The following CRISP2 variants were observed in gnomAD, a reference collection of about 807,000 sequenced individuals.
CRISP2 encodes cysteine rich secretory protein 2, also known as cysteine-rich secretory protein 2.
CRISP2 carries 29 observed loss-of-function variants against 31.7 expected under a neutral mutation model. That is an observed-to-expected ratio of 0.92 (90% CI 0.68 to 1.25). The LOEUF is 1.25. Ranked by LOEUF, CRISP2 falls within the 50% of genes most tolerant of loss-of-function variation. The pLI, the probability that CRISP2 is intolerant of heterozygous loss-of-function variation, is 0.00. For missense variants in CRISP2, 318 were observed against 286.5 expected (o/e 1.11, Z -0.79); for synonymous variants, 111 against 101.4 (o/e 1.09, Z -0.57).
the CRISP2 span, among the ~76,000 whole-genome samples, chr6:49,680,275 G>A: frequency 6.6e-6 from 1 of 152,092 alleles, no homozygotes; most frequent in Non-Finnish European, 1.5e-5. Flanking sequence ...TTCTGTGTTA[G>A]TTTCCTAATG....
chr6:49,707,176 T>A (rs191315980), intron 4 of CRISP2, among the ~76,000 whole-genome samples: 2 of 152,266 alleles, frequency 1.3e-5, no homozygotes, highest in Non-Finnish European at 2.9e-5. Context: ...ATTAAACATA[T>A]CGAGAATAAA....
At chr6:49,691,228 A>G (rs752253220), downstream of CRISP2, among the ~76,000 whole-genome samples, 1 of 152,038 alleles carries the variant, frequency 6.6e-6, no homozygotes, top group Non-Finnish European at 1.5e-5. Flanking sequence ...TCTCTCTCAC[A>G]TTGTCACACT....
At chr6:49,705,873 T>C (rs929850546) in intron 4 of CRISP2, among the ~76,000 whole-genome samples, 2 of 152,202 alleles carry the variant, frequency 1.3e-5, no homozygotes, top group African/African-American at 4.8e-5. Context: ...TGGGCCCTCA[T>C]AGTGTTTCAG....
At chr6:49,688,458 A>G (rs1158253907), downstream of CRISP2, among the ~76,000 whole-genome samples, 1 of 152,224 alleles carries the variant, frequency 6.6e-6, no homozygotes, top group Non-Finnish European at 1.5e-5. Flanking sequence ...AAATACATTA[A>G]AATATTATCT....
At chr6:49,699,671 T>C in intron 6 of CRISP2, 133 bp downstream of exon 6, 2 of 635,260 alleles carry the variant, frequency 3.1e-6, no homozygotes, top group East Asian at 5.7e-5. Context: ...TGTATACAGA[T>C]ACTTTGACTT....
Position 49,700,685 on chromosome 6 carries a change from T to C in CRISP2, c.166A>G (p.Ser56Gly). ...CCTCTTACCATCTTTAGCATGTTAC[T>C]GGCAGGTGGAGAGACTGCTTTCCTT... Reference protein sequence around the residue: ...ELRKAVSPPASNMLKMEWSRE... With the variant: ...ELRKAVSPPAGNMLKMEWSRE... The change falls in exon 5 of 10, where the codon AGT becomes GGT. Residue 56 changes from serine (S) to glycine (G), a missense_variant. Ser to Gly is a moderately conservative substitution (Grantham distance 56, BLOSUM62 0). Coordinates refer to ENST00000339139, the MANE Select transcript of CRISP2 (RefSeq NM_003296.4). The C allele has an allele frequency of 6.2e-7, 1 of 1,606,948 alleles. No homozygotes were observed. The highest frequency in any genetic ancestry group is 8.5e-7 in the Non-Finnish European group (1 of 1,173,952).
At chr6:49,682,587 T>TTTTCTTTC in the CRISP2 span, among the ~76,000 whole-genome samples, 952 of 83,522 alleles carry the variant, frequency 0.011, 14 homozygotes, top group Non-Finnish European at 0.015. Flanking sequence ...CTTTCTTTCT[T>TTTTCTTTC]TTTCTTTCTT....
rs1168794870 is a variant in CRISP2 at position 49,712,859 on chromosome 6, G to T, written c.-150-255C>A. On this transcript the variant is annotated intron_variant, in intron 1 of 9. Transcript: ENST00000339139. ...CTTGAAGTTCAGTAACTACTAGTTG[G>T]CTAACTTGCTTGGAAAATTGCAACC... 2.6e-5 allele frequency among the ~76,000 whole-genome samples: 4 copies of T among 152,064 alleles called. 1 individual carries two copies. Among genetic ancestry groups the T allele is most frequent in the Non-Finnish European group, 2.9e-5 (2 of 68,024 alleles).
At chr6:49,686,824 C>T in the CRISP2 span, among the ~76,000 whole-genome samples, 3 of 152,126 alleles carry the variant, frequency 2.0e-5, no homozygotes, top group East Asian at 3.9e-4. Flanking sequence ...CAATGATAGA[C>T]TGGATTAAGA....
chr6:49,700,769 C>CTT lies in CRISP2; in HGVS notation c.81_82insAA (p.Ala28LysfsTer4). 6.2e-7 allele frequency: 1 copy of CTT among 1,607,484 alleles called. No individual in the cohort carries two copies. Among genetic ancestry groups the CTT allele is most frequent in the Non-Finnish European group, 8.5e-7 (1 of 1,175,352 alleles). On this transcript the variant is annotated frameshift_variant, in exon 5 of 10. Coordinates refer to ENST00000339139, the MANE Select transcript of CRISP2 (RefSeq NM_003296.4). LOFTEE classifies it high-confidence loss of function. ...ACTTGCAACTGGGTGGTTAACAAAG[C>CTT]AGTAAAAGCGGGATCCTAAAAGAAA...
intron 9 of CRISP2, among the ~76,000 whole-genome samples, chr6:49,694,379 T>C (rs57374404): frequency 0.2 from 30,897 of 152,114 alleles, 3,697 homozygotes; most frequent in Admixed American, 0.38. Flanking sequence ...GGGACTTGAG[T>C]CTGTCCCACT....
the CRISP2 span, among the ~76,000 whole-genome samples, chr6:49,681,963 A>C: frequency 6.6e-6 from 1 of 152,196 alleles, no homozygotes; most frequent in Non-Finnish European, 1.5e-5. Flanking sequence ...CCAAGCATTT[A>C]AATAATTATT....
At chr6:49,685,047 T>C in the CRISP2 span, among the ~76,000 whole-genome samples, 72,410 of 151,998 alleles carry the variant, frequency 0.48, 17,989 homozygotes, top group East Asian at 0.77. Context: ...TGCCAATAGT[T>C]CCAGGTCTCA....
At chr6:49,687,074 G>A in the CRISP2 span, among the ~76,000 whole-genome samples, 1 of 151,858 alleles carries the variant, frequency 6.6e-6, no homozygotes, top group South Asian at 2.1e-4. Context: ...AGAGGGGAGG[G>A]AGAGTGTTAG....
chr6:49,677,494 CTCT>C, the CRISP2 span, among the ~76,000 whole-genome samples: 1 of 152,100 alleles, frequency 6.6e-6, no homozygotes, highest in African/African-American at 2.4e-5. Context: ...GACAACTATT[CTCT>C]TCTTTGTTTT....
At chr6:49,683,204 A>T in the CRISP2 span, among the ~76,000 whole-genome samples, 1 of 151,592 alleles carries the variant, frequency 6.6e-6, no homozygotes, top group African/African-American at 2.4e-5. Flanking sequence ...ATAAATAGAG[A>T]CATGCAGTGT....
intron 3 of CRISP2, 48 bp from the exon 4 acceptor site, chr6:49,709,253 A>G: frequency 1.3e-6 from 2 of 1,534,850 alleles, no homozygotes; most frequent in Non-Finnish European, 1.8e-6. Flanking sequence ...TAGTTTAAAA[A>G]ACTTCTAAGA....
At chr6:49,678,626 C>T in the CRISP2 span, among the ~76,000 whole-genome samples, 3 of 152,086 alleles carry the variant, frequency 2.0e-5, no homozygotes, top group East Asian at 1.9e-4. Flanking sequence ...GTGATAGCAT[C>T]GGGATTTAAA....
chr6:49,699,361 A>G (rs998121248), intron 6 of CRISP2, among the ~76,000 whole-genome samples: 2 of 152,078 alleles, frequency 1.3e-5, no homozygotes, highest in Non-Finnish European at 2.9e-5. Flanking sequence ...TAAGTTCAAT[A>G]TATTTTATGG....
Sources: allele counts gnomAD v4.1 joint callset (sites outside exome capture counted in the v4.1 genomes callset), GRCh38; gene constraint gnomAD v4.1.1; transcripts MANE v1.5; gene names NCBI Gene and HGNC (gene_info 2026-07-23, HGNC 2026-07-21).